Variants in ARHGEF12 observed in about 807,000 individuals in gnomAD.
ARHGEF12 encodes the protein Rho guanine nucleotide exchange factor 12.
Under a neutral mutation model 211.2 loss-of-function variants are expected in ARHGEF12, and 66 were observed. The ratio of observed to expected loss-of-function variants is 0.31; its 90% CI spans 0.26 to 0.38. The LOEUF is 0.38. Among genes scored for constraint, ARHGEF12 ranks in the 10% least tolerant of loss-of-function variants. The pLI is 1.00. For synonymous variants in ARHGEF12, 592 were observed against 638.4 expected (o/e 0.93, Z 1.09); for missense variants, 1,429 against 1,869.5 (o/e 0.76, Z 4.34).
chr11:120,409,727 C>T (rs796579167), intron 4 of ARHGEF12: 33 of 304,840 alleles, frequency 1.1e-4, no homozygotes, highest in African/African-American at 6.4e-4. Flanking sequence ...AGGTGATTAT[C>T]TCTAATATGT....
At chr11:120,369,453 C>T (rs1421945954) in intron 1 of ARHGEF12, among the ~76,000 whole-genome samples, 1 of 152,112 alleles carries the variant, frequency 6.6e-6, no homozygotes, top group East Asian at 1.9e-4. Flanking sequence ...TAATTGAAAA[C>T]TTATAATACA....
intron 1 of ARHGEF12, among the ~76,000 whole-genome samples, chr11:120,389,863 C>T (rs923237083): frequency 4.6e-5 from 7 of 152,074 alleles, no homozygotes; most frequent in Non-Finnish European, 1.0e-4. Context: ...GGAACTCATT[C>T]TTTTTTATGG....
At chr11:120,403,012 G>A (rs1944586510) in intron 1 of ARHGEF12, among the ~76,000 whole-genome samples, 1 of 152,096 alleles carries the variant, frequency 6.6e-6, no homozygotes, top group Non-Finnish European at 1.5e-5. Flanking sequence ...TATTTATTGG[G>A]TAAGTGTTAT....
intron 4 of ARHGEF12, among the ~76,000 whole-genome samples, chr11:120,414,269 A>G (rs1482200537): frequency 6.6e-6 from 1 of 152,214 alleles, no homozygotes; most frequent in African/African-American, 2.4e-5. Flanking sequence ...TTGTTTTGTA[A>G]CTAGAGGAGT....
chr11:120,475,330 T>C lies in ARHGEF12; in HGVS notation c.3110-10T>C, dbSNP rs1035083016. ...GTACTTACCATTTTTTTCTGCACTT[T>C]TATTTCTAGATTTATACACGTTGCT... On this transcript the variant is annotated splice_polypyrimidine_tract_variant and intron_variant, in intron 32 of 40. Coordinates refer to ENST00000397843, the MANE Select transcript of ARHGEF12 (RefSeq NM_015313.3). 4.3e-6 allele frequency: 7 copies of C among 1,612,370 alleles called. No individual in the cohort carries two copies. The highest frequency in any genetic ancestry group is 1.1e-5 in the South Asian group (1 of 90,872).
At chr11:120,422,573 T>G (rs1041187635) in intron 6 of ARHGEF12, among the ~76,000 whole-genome samples, 5 of 152,242 alleles carry the variant, frequency 3.3e-5, no homozygotes, top group Non-Finnish European at 7.3e-5. Context: ...TATTTAAACC[T>G]GGGTCTGATC....
intron 1 of ARHGEF12, among the ~76,000 whole-genome samples, chr11:120,386,500 G>A (rs1944033378): frequency 6.6e-6 from 1 of 152,020 alleles, no homozygotes; most frequent in African/African-American, 2.4e-5. Context: ...CATACTGTTT[G>A]CCACATTTTG....
chr11:120,477,862 C>CAAAAAAAAAA (rs528182938), intron 36 of ARHGEF12, among the ~76,000 whole-genome samples: 14 of 69,298 alleles, frequency 2.0e-4, no homozygotes, highest in African/African-American at 6.7e-4. Context: ...ACCGAAACAC[C>CAAAAAAAAAA]AAAAAAAAAA....
At chr11:120,412,717 T>G (rs1476106041) in intron 4 of ARHGEF12, among the ~76,000 whole-genome samples, 1 of 152,224 alleles carries the variant, frequency 6.6e-6, no homozygotes, top group East Asian at 1.9e-4. Flanking sequence ...GTGACCAAAC[T>G]GGAGTTCATC....
In ARHGEF12 at chr11:120,337,177, G is replaced by C; in HGVS notation, c.-67G>C. On this transcript the variant is annotated 5_prime_UTR_variant, in exon 1 of 41. Coordinates refer to ENST00000397843, the MANE Select transcript of ARHGEF12 (RefSeq NM_015313.3). ...TTGGGCCTGATCCCAGAGCACTGGG[G>C]GTGGGGAGGAGGTGTTACTGTAAAA... 1.3e-6 allele frequency: 2 copies of C among 1,593,048 alleles called. No homozygotes were observed. Among genetic ancestry groups the C allele is most frequent in the Non-Finnish European group, 1.7e-6 (2 of 1,160,858 alleles).
At chr11:120,457,672 T>C in intron 23 of ARHGEF12, 49 bp from the exon 24 acceptor site, 2 of 1,467,416 alleles carry the variant, frequency 1.4e-6, no homozygotes, top group African/African-American at 1.4e-5. Context: ...TATAAATGTA[T>C]TGATCACCAT....
chr11:120,337,857 T>C, intron 1 of ARHGEF12: 10 of 985,466 alleles, frequency 1.0e-5, no homozygotes, highest in Non-Finnish European at 1.2e-5. Context: ...GTCCAGGAGC[T>C]GAAGAAATGA....
At position 120,481,429 on chromosome 11, in the gene ARHGEF12, A is replaced by G; in HGVS notation, c.4407A>G (p.Pro1469=). The change falls in exon 39 of 41, where the codon CCA becomes CCG. Residue 1469 remains proline, a synonymous_variant. Transcript: ENST00000397843. ...QNTHSDGAIS[P]FTPEFLVQQR... ...CTCACTCCGATGGGGCAATTTCACC[A>G]TTCACCCCCGAATTTCTGGTCCAGC... is the stretch of plus-strand genomic sequence containing the variant. 1 of 1,614,110 alleles carries G rather than the reference A, an allele frequency of 6.2e-7. No homozygotes were observed. The highest frequency in any genetic ancestry group is 8.5e-7 in the Non-Finnish European group (1 of 1,180,028).
intron 1 of ARHGEF12, among the ~76,000 whole-genome samples, chr11:120,395,056 CAAAAAAAAAAAA>C (rs758953056): frequency 5.8e-5 from 2 of 34,588 alleles, no homozygotes; most frequent in Admixed American, 2.9e-4. Context: ...GACTCTATCT[CAAAAAAAAAAAA>C]AAAAAAAAAA....
chr11:120,480,477 T>C (rs1947201595), intron 38 of ARHGEF12, 47 bp downstream of exon 38: 5 of 1,536,800 alleles, frequency 3.3e-6, no homozygotes, highest in Non-Finnish European at 4.4e-6. Flanking sequence ...TTGATCATTG[T>C]TAACTGTCCT....
chr11:120,427,943 G>C (rs914106853), intron 7 of ARHGEF12, 126 bp from the exon 8 acceptor site: 3 of 706,516 alleles, frequency 4.2e-6, no homozygotes, highest in Non-Finnish European at 6.4e-6. Flanking sequence ...TGTAGCAGAT[G>C]ATGGGACTGT....
At chr11:120,473,801 A>G (rs1056968709) in intron 31 of ARHGEF12, among the ~76,000 whole-genome samples, 1 of 152,240 alleles carries the variant, frequency 6.6e-6, no homozygotes, top group African/African-American at 2.4e-5. Flanking sequence ...CAGAAGCATA[A>G]AAGTTGGAAC....
chr11:120,483,306 G>A (rs192156787), intron 39 of ARHGEF12, among the ~76,000 whole-genome samples: 3 of 144,304 alleles, frequency 2.1e-5, no homozygotes, highest in Non-Finnish European at 3.0e-5. Flanking sequence ...TGTCACCCAG[G>A]CTGGAGTGCA....
intron 1 of ARHGEF12, among the ~76,000 whole-genome samples, chr11:120,361,942 C>T (rs909872777): frequency 4.6e-5 from 7 of 152,150 alleles, no homozygotes; most frequent in African/African-American, 1.2e-4. Flanking sequence ...AAGAGTTTTC[C>T]ACTCTTTTTG....
Sources: gnomAD v4.1 joint callset for allele counts (sites outside exome capture counted in the v4.1 genomes callset) on GRCh38, gnomAD v4.1.1 for gene constraint, MANE v1.5 for transcripts, NCBI Gene and HGNC (gene_info 2026-07-23, HGNC 2026-07-21) for gene names.